RYR2: variants seen among roughly 807,000 people sequenced by gnomAD.
RYR2 encodes the protein cardiac muscle ryanodine receptor-calcium release channel.
Under a neutral mutation model 601.1 loss-of-function variants are expected in RYR2, and 227 were observed. The observed-to-expected ratio is 0.38, with a 90% confidence interval of 0.34 to 0.42. The LOEUF (loss-of-function observed/expected upper bound fraction) is 0.42. Among genes scored for constraint, RYR2 ranks in the 10% least tolerant of loss-of-function variants. RYR2 has a pLI of 1.00. For missense variants in RYR2, 4,646 were observed against 6,156.5 expected (o/e 0.75, Z 8.21); for synonymous variants, 2,223 against 2,175.1 (o/e 1.02, Z -0.61).
intron 62 of RYR2, among the ~76,000 whole-genome samples, chr1:237,683,658 A>C (rs143772662): frequency 6.6e-6 from 1 of 151,384 alleles, no homozygotes; most frequent in East Asian, 1.9e-4. Flanking sequence ...TGTCAGAATC[A>C]GGAATTTTCT....
chr1:237,740,617 G>A (rs1691527579), intron 79 of RYR2, among the ~76,000 whole-genome samples: 1 of 151,944 alleles, frequency 6.6e-6, no homozygotes, highest in Admixed American at 6.6e-5. Context: ...CAATCCTTGT[G>A]TCTCTCCTAT....
intron 1 of RYR2, among the ~76,000 whole-genome samples, chr1:237,050,355 G>A (rs1028577158): frequency 6.6e-6 from 1 of 152,188 alleles, no homozygotes; most frequent in East Asian, 1.9e-4. Context: ...AGTCTGGGAA[G>A]GGCTGAGGCG....
At chr1:237,520,442 G>A (rs1666976885) in intron 24 of RYR2, among the ~76,000 whole-genome samples, 1 of 152,142 alleles carries the variant, frequency 6.6e-6, no homozygotes, top group Non-Finnish European at 1.5e-5. Flanking sequence ...CTGTGAGATT[G>A]TTGTATATGG....
At chr1:237,268,877 A>G (rs1471614794) in intron 1 of RYR2, among the ~76,000 whole-genome samples, 2 of 129,466 alleles carry the variant, frequency 1.5e-5, no homozygotes, top group Non-Finnish European at 3.2e-5. Context: ...CAGAGGTTAC[A>G]GTGAGCCAAG....
rs773452072 is a variant in RYR2, at chr1:237,590,947, A to G, written c.4115A>G (p.Asn1372Ser). 6.2e-7 allele frequency: 1 copy of G among 1,613,726 alleles called. No homozygotes were observed. Among genetic ancestry groups the G allele is most frequent in the East Asian group, 2.2e-5 (1 of 44,844 alleles). The part of the protein sequence containing the change: ...DKEATKPEFN[N>S]HKDYAQEKPS... ...GAAGCTACTAAACCAGAGTTTAACA[A>G]CCACAAAGATTATGCCCAGGAAAAG... is the stretch of plus-strand genomic sequence containing the variant. The change falls in exon 31 of 105, where the codon AAC becomes AGC. Residue 1372 changes from asparagine (N) to serine (S), a missense_variant. Around this residue, in one of 17 missense-constraint regions of RYR2, gnomAD observed 1,807 missense variants for 2,088.1 expected, o/e 0.87. Coordinates refer to ENST00000366574, the MANE Select transcript of RYR2 (RefSeq NM_001035.3).
chr1:237,049,294 A>G (rs1406622783), intron 1 of RYR2, among the ~76,000 whole-genome samples: 1 of 152,180 alleles, frequency 6.6e-6, no homozygotes, highest in East Asian at 1.9e-4. Context: ...TCAGGGGGTG[A>G]GGTGACTTCC....
At chr1:237,761,290 G>T (rs1012679904) in intron 84 of RYR2, among the ~76,000 whole-genome samples, 5 of 152,126 alleles carry the variant, frequency 3.3e-5, no homozygotes, top group African/African-American at 9.7e-5. Context: ...AATAATGGTT[G>T]AATGAAGGAT....
At chr1:237,469,480 T>C (rs1473940957) in intron 17 of RYR2, among the ~76,000 whole-genome samples, 1 of 152,092 alleles carries the variant, frequency 6.6e-6, no homozygotes, top group Non-Finnish European at 1.5e-5. Flanking sequence ...AGTGTTTTCC[T>C]TTTAAATTAT....
intron 1 of RYR2, among the ~76,000 whole-genome samples, chr1:237,075,259 G>C (rs1159298323): frequency 3.9e-5 from 6 of 151,968 alleles, no homozygotes; most frequent in African/African-American, 1.5e-4. Context: ...TGGAAAGAAA[G>C]TCTGCGGGAG....
At chr1:237,681,166 T>C (rs761666251) in intron 62 of RYR2, among the ~76,000 whole-genome samples, 1 of 152,334 alleles carries the variant, frequency 6.6e-6, no homozygotes, top group Non-Finnish European at 1.5e-5. Context: ...TTAATATACA[T>C]GAGAATCAAT....
chr1:237,481,057 T>G (rs1363416944), intron 17 of RYR2, among the ~76,000 whole-genome samples: 9 of 150,946 alleles, frequency 6.0e-5, no homozygotes, highest in African/African-American at 2.2e-4. Context: ...TTTTGGTAAT[T>G]TGGCTTGAGC....
intron 16 of RYR2, among the ~76,000 whole-genome samples, chr1:237,458,918 G>C (rs1659152722): frequency 6.6e-6 from 1 of 152,120 alleles, no homozygotes; most frequent in Non-Finnish European, 1.5e-5. Flanking sequence ...TGGGCTATTT[G>C]ATATTTATTA....
chr1:237,830,657 C>T, intron 103 of RYR2, 27 bp downstream of exon 103: 1 of 1,224,340 alleles, frequency 8.2e-7, no homozygotes, highest in South Asian at 1.2e-5. Flanking sequence ...CAGAATCTTC[C>T]ACCTCTCCAG....
chr1:237,776,923 C>G (rs1439243950), intron 87 of RYR2, among the ~76,000 whole-genome samples: 3 of 152,172 alleles, frequency 2.0e-5, no homozygotes, highest in Non-Finnish European at 4.4e-5. Flanking sequence ...TGGCCCCCAT[C>G]CACCTTGGAA....
At chr1:237,424,107 G>C (rs1038543609) in intron 12 of RYR2, among the ~76,000 whole-genome samples, 8 of 152,132 alleles carry the variant, frequency 5.3e-5, no homozygotes, top group Non-Finnish European at 1.2e-4. Context: ...ATCCAGTCAC[G>C]TCTTTCCCTC....
In RYR2 at chr1:237,190,243, T is replaced by C. The variant is rs532150035; in HGVS notation, c.49-80254T>C. On this transcript the variant is annotated intron_variant, in intron 1 of 104. Transcript: ENST00000366574. ...TTACATTTCCACCAACAGTGCGTAG[T>C]GTTCTGATTTCTCTGCAGCCTTGCC... Among the ~76,000 whole-genome samples the C allele has an allele frequency of 4.6e-5, 7 of 152,278 alleles. No homozygotes were observed. In the South Asian group the frequency reaches 1.4e-3, roughly 32 times the overall value.
chr1:237,063,882 C>A (rs1193164339), intron 1 of RYR2, among the ~76,000 whole-genome samples: 1 of 152,178 alleles, frequency 6.6e-6, no homozygotes, highest in Non-Finnish European at 1.5e-5. Context: ...GATCCACCCC[C>A]GACCCCACCC....
At chr1:237,123,320 C>T (rs1432836297) in intron 1 of RYR2, among the ~76,000 whole-genome samples, 9 of 152,186 alleles carry the variant, frequency 5.9e-5, no homozygotes, top group African/African-American at 1.9e-4. Context: ...AGTGCTGTGG[C>T]TCATACCTGT....
At chr1:237,142,455 C>A (rs776320055) in intron 1 of RYR2, among the ~76,000 whole-genome samples, 2 of 152,186 alleles carry the variant, frequency 1.3e-5, no homozygotes, top group South Asian at 2.1e-4. Context: ...AAGAACACTT[C>A]TGGGGCTTGG....
Sources: allele counts gnomAD v4.1 joint callset (sites outside exome capture counted in the v4.1 genomes callset), GRCh38; gene constraint gnomAD v4.1.1; regional missense constraint gnomAD v4.1.1; transcripts MANE v1.5; gene names NCBI Gene and HGNC (gene_info 2026-07-23, HGNC 2026-07-21).